PFDN1: variants seen among roughly 807,000 people sequenced by gnomAD.
PFDN1 encodes the protein prefoldin subunit 1.
In PFDN1, 6 loss-of-function variants were observed where a neutral mutation model predicts 17.3. That is an observed-to-expected ratio of 0.35 (90% CI 0.19 to 0.69). The LOEUF (loss-of-function observed/expected upper bound fraction) is 0.69, where lower values mean the gene tolerates loss of function less well. Ranked by LOEUF, PFDN1 falls within the 30% of genes least tolerant of loss-of-function variation. The probability of loss-of-function intolerance (pLI) is 0.65; values close to 1 mark genes in which losing one functional copy is unlikely to be tolerated. For synonymous variants in PFDN1, 58 were observed against 50.1 expected (o/e 1.16, Z -0.67); for missense variants, 113 against 146.2 (o/e 0.77, Z 1.17).
Position 140,300,569 on chromosome 5 carries a change from A to G in PFDN1, c.47T>C (p.Leu16Pro). 6.2e-6 allele frequency: 10 copies of G among 1,608,184 alleles called. No homozygotes were observed. Among genetic ancestry groups the G allele is most frequent in the Non-Finnish European group, 8.5e-6 (10 of 1,177,080 alleles). The part of the protein sequence containing the change: ...DLELKKAFTE[L>P]QAKVIDTQQK... ...TTGAGTGTCAATAACTTTGGCTTGA[A>G]GCTCTGTGAAGGCCTAATAAAAACA... The change falls in exon 2 of 4, where the codon CTT becomes CCT. Residue 16 changes from leucine (L) to proline (P), a missense_variant. Transcript: ENST00000261813.
At chr5:140,297,511 T>C (rs1225185130) in intron 2 of PFDN1, among the ~76,000 whole-genome samples, 2 of 152,172 alleles carry the variant, frequency 1.3e-5, no homozygotes, top group Non-Finnish European at 2.9e-5. Flanking sequence ...GTCAAACTCA[T>C]ACTCCCGGTG....
chr5:140,250,683 C>T (rs998513531), intron 3 of PFDN1, among the ~76,000 whole-genome samples: 5 of 152,280 alleles, frequency 3.3e-5, no homozygotes, highest in East Asian at 1.9e-4. Flanking sequence ...TGGGAAATGA[C>T]GCCTTACTGA....
intron 3 of PFDN1, among the ~76,000 whole-genome samples, chr5:140,270,608 T>C (rs919887614): frequency 3.3e-5 from 5 of 152,018 alleles, no homozygotes; most frequent in Admixed American, 2.6e-4. Flanking sequence ...TCAAGATAAA[T>C]AAGGAAGGCT....
intron 3 of PFDN1, among the ~76,000 whole-genome samples, chr5:140,273,643 G>A (rs936600700): frequency 2.0e-5 from 3 of 151,888 alleles, no homozygotes; most frequent in Non-Finnish European, 2.9e-5. Flanking sequence ...GACTTTAAAC[G>A]TCAAGACTTT....
At chr5:140,248,852 G>A (rs566136317) in intron 3 of PFDN1, among the ~76,000 whole-genome samples, 5 of 152,120 alleles carry the variant, frequency 3.3e-5, no homozygotes, top group African/African-American at 1.2e-4. Flanking sequence ...CTATATTTTT[G>A]TTTTGTTTCT....
At chr5:140,283,524 C>A (rs578228174) in intron 2 of PFDN1, among the ~76,000 whole-genome samples, 1 of 152,208 alleles carries the variant, frequency 6.6e-6, no homozygotes, top group South Asian at 2.1e-4. Flanking sequence ...TGAGCCACCA[C>A]GCCCAGCCCA....
intron 3 of PFDN1, among the ~76,000 whole-genome samples, chr5:140,275,123 C>CT (rs1308851532): frequency 1.3e-5 from 2 of 151,886 alleles, no homozygotes; most frequent in African/African-American, 4.8e-5. Context: ...TAAGACACTG[C>CT]TTGTGCCAGG....
intron 2 of PFDN1, among the ~76,000 whole-genome samples, chr5:140,287,349 C>T (rs1765513064): frequency 6.6e-6 from 1 of 152,162 alleles, no homozygotes; most frequent in Non-Finnish European, 1.5e-5. Context: ...CAGTGATGAA[C>T]AGACACAGAA....
chr5:140,277,136 G>A (rs1765308472), intron 3 of PFDN1, among the ~76,000 whole-genome samples: 1 of 151,450 alleles, frequency 6.6e-6, no homozygotes, highest in African/African-American at 2.4e-5. Flanking sequence ...GCAGGCAGGA[G>A]AATCACTTGT....
rs113129230 is a variant in PFDN1, at chr5:140,278,557, C to CAA, written c.285+2890_285+2891dup. ...CCTGGGACAGAATGAGACTCTGTCTCAAAAAAAAAAAAAAAAAAAAAAAAA... is the reference window on the plus strand; with the variant it reads ...CCTGGGACAGAATGAGACTCTGTCTCAAAAAAAAAAAAAAAAAAAAAAAAAAA... On this transcript the variant is annotated intron_variant, in intron 3 of 3. Transcript: ENST00000261813. Among the ~76,000 whole-genome samples the CAA allele has an allele frequency of 6.5e-4, 51 of 78,998 alleles. 1 individual carries two copies. The highest frequency in any genetic ancestry group is 2.9e-3 in the East Asian group (6 of 2,104). 51.8% of individuals were successfully genotyped at this position (78,998 alleles called of 152,430 possible).
chr5:140,303,060 A>G lies in PFDN1; in HGVS notation c.14T>C (p.Val5Ala), dbSNP rs1561523770. The change falls in exon 1 of 4, where the codon GTG (valine) becomes GCG (alanine). Residue 5 changes from valine to alanine, a missense_variant. Coordinates refer to ENST00000261813, the MANE Select transcript of PFDN1 (RefSeq NM_002622.5). MAAPVDLELKKAFTE... is the reference protein window; with the variant it reads MAAPADLELKKAFTE... ...TTTTACCTTCTTCAGCTCTAGATCCACGGGGGCGGCCATCTTGGTGCACTG... is the reference window on the plus strand; with the variant it reads ...TTTTACCTTCTTCAGCTCTAGATCCGCGGGGGCGGCCATCTTGGTGCACTG... The G allele has an allele frequency of 1.9e-6, 3 of 1,612,958 alleles. No individual in the cohort carries two copies. The Admixed American group carries it at 5.0e-5, about 27-fold the overall frequency.
chr5:140,281,202 T>A (rs1483270794), intron 3 of PFDN1: 6 of 323,300 alleles, frequency 1.9e-5, no homozygotes, highest in African/African-American at 1.3e-4. Flanking sequence ...ACAAAATACA[T>A]TCAGGTTAAA....
intron 3 of PFDN1, among the ~76,000 whole-genome samples, chr5:140,275,953 T>C (rs1765284381): frequency 6.6e-6 from 1 of 152,158 alleles, no homozygotes; most frequent in African/African-American, 2.4e-5. Context: ...ATGGCCTTTG[T>C]CTACAGAGTT....
In PFDN1 at chr5:140,281,473, T is replaced by C. The variant is rs1265747551; in HGVS notation, c.261A>G (p.Ala87=). Residue 87 remains alanine, a synonymous_variant, in exon 3 of 4, where the codon GCA becomes GCG. Transcript: ENST00000261813. The stretch of plus-strand genomic sequence containing the variant: ...CTTCTAGTTCTTTAATTTTTTCTTC[T>C]GCTATTTTCTGCTTCTCTAACAGCT... ...HSQLLEKQKI[A]EEKIKELEQK... 1 of 1,564,154 alleles carries C rather than the reference T, an allele frequency of 6.4e-7. No individual in the cohort carries two copies. The highest frequency in any genetic ancestry group is 8.8e-7 in the Non-Finnish European group (1 of 1,135,306).
intron 3 of PFDN1, among the ~76,000 whole-genome samples, chr5:140,263,841 GA>G (rs1765097826): frequency 6.6e-6 from 1 of 151,572 alleles, no homozygotes; most frequent in Admixed American, 6.6e-5. Flanking sequence ...CTAACACAGT[GA>G]AACCCCGTCT....
intron 3 of PFDN1, among the ~76,000 whole-genome samples, chr5:140,269,348 C>T (rs1425678003): frequency 7.6e-5 from 11 of 145,344 alleles, no homozygotes; most frequent in African/African-American, 2.0e-4. Context: ...GATGGAGCTT[C>T]GCTCTTATTG....
intron 2 of PFDN1, among the ~76,000 whole-genome samples, chr5:140,296,694 C>A (rs959062628): frequency 6.6e-6 from 1 of 152,196 alleles, no homozygotes; most frequent in African/African-American, 2.4e-5. Flanking sequence ...GGTAGGATAA[C>A]AATTTCTAGT....
chr5:140,272,694 C>T (rs1324846741), intron 3 of PFDN1, among the ~76,000 whole-genome samples: 1 of 152,050 alleles, frequency 6.6e-6, no homozygotes, highest in Non-Finnish European at 1.5e-5. Context: ...ATAATTATCA[C>T]AAAAGTTAGG....
intron 2 of PFDN1, among the ~76,000 whole-genome samples, chr5:140,290,917 C>T (rs892724139): frequency 6.6e-6 from 1 of 151,962 alleles, no homozygotes; most frequent in Non-Finnish European, 1.5e-5. Context: ...TGGTGAGGTA[C>T]GATGAAGAAA....
Sources: gnomAD v4.1 joint callset for allele counts (sites outside exome capture counted in the v4.1 genomes callset) on GRCh38, gnomAD v4.1.1 for gene constraint, MANE v1.5 for transcripts, NCBI Gene and HGNC (gene_info 2026-07-23, HGNC 2026-07-21) for gene names.